The following GGT7 variants were observed in gnomAD, a reference collection of about 807,000 sequenced individuals.
The protein encoded by GGT7 is glutathione hydrolase 7.
A neutral mutation model predicts 69.2 loss-of-function variants in GGT7; 30 were observed. That is an observed-to-expected ratio of 0.43 (90% CI 0.32 to 0.59). The LOEUF is 0.59. Ranked by LOEUF, GGT7 falls within the 20% of genes least tolerant of loss-of-function variation. The pLI is 0.05. For synonymous variants in GGT7, 388 were observed against 391.8 expected, an observed-to-expected ratio of 0.99 and a Z score of 0.12; for missense variants, 733 against 901.1, an observed-to-expected ratio of 0.81 and a Z score of 2.39.
At position 34,852,498 on chromosome 20, in the gene GGT7, A is replaced by T. The variant is rs2079414737; in HGVS notation, c.1360T>A (p.Ser454Thr). The T allele has an allele frequency of 6.2e-7, 1 of 1,602,334 alleles. No homozygotes were observed. Among genetic ancestry groups the T allele is most frequent in the Admixed American group, 1.8e-5 (1 of 56,816 alleles). Residue 454 changes from serine to threonine, a missense_variant, in exon 11 of 15, where the codon TCC (serine) becomes ACC (threonine). Transcript: ENST00000336431. ...AGGAGTGGGGCAGGGGCTGCCTGGG[A>T]GTCATTGATATGGCCCCGGAGGTAG... The part of the protein sequence containing the change: ...AAYLRGHIND[S>T]QAAPAPLLPV...
intron 8 of GGT7, 135 bp from the exon 9 acceptor site, chr20:34,855,058 C>T: frequency 1.3e-6 from 1 of 784,414 alleles, no homozygotes; most frequent in Non-Finnish European, 2.0e-6. Flanking sequence ...GAAACTGAAA[C>T]ATTGAGAGGC....
In GGT7 at chr20:34,863,397, G is replaced by A; in HGVS notation, c.321C>T (p.Leu107=). 6.2e-7 allele frequency: 1 copy of A among 1,614,028 alleles called. No individual in the cohort carries two copies. Among genetic ancestry groups the A allele is most frequent in the Non-Finnish European group, 8.5e-7 (1 of 1,180,016 alleles). ...TGAGACAGGCCGTGACGATGACCGTGAGCCCATCCTGGCGGCAGGAGCACT... is the reference window on the plus strand; with the variant it reads ...TGAGACAGGCCGTGACGATGACCGTAAGCCCATCCTGGCGGCAGGAGCACT... The part of the protein sequence containing the change: ...AAECSCRQDG[L]TVIVTACLTF... Residue 107 remains leucine (L), a synonymous_variant, in exon 2 of 15, where the codon CTC becomes CTT. Coordinates refer to ENST00000336431, the MANE Select transcript of GGT7 (RefSeq NM_178026.3). This position sits in a 1 kb window ranked among gnomAD's most constrained non-coding sequence, Gnocchi z 4.4.
chr20:34,852,603 T>A, intron 10 of GGT7, 65 bp from the exon 11 acceptor site: 1 of 1,430,100 alleles, frequency 7.0e-7, no homozygotes, highest in Non-Finnish European at 9.3e-7. Flanking sequence ...CCTACCTCAC[T>A]TTTGTGGTGT....
At chr20:34,847,110 C>T (rs1331780489) in intron 14 of GGT7, among the ~76,000 whole-genome samples, 1 of 152,150 alleles carries the variant, frequency 6.6e-6, no homozygotes, top group Non-Finnish European at 1.5e-5. Flanking sequence ...CTGTGTCTCC[C>T]TCCACTAGAT....
At chr20:34,859,842 A>G (rs2079558852) in intron 6 of GGT7, 127 bp downstream of exon 6, 2 of 805,992 alleles carry the variant, frequency 2.5e-6, no homozygotes, top group Middle Eastern at 4.5e-4. Flanking sequence ...AGGGTGGGAT[A>G]AGGTGGGGAG....
chr20:34,847,583 G>A (rs193105412), intron 14 of GGT7, among the ~76,000 whole-genome samples: 3 of 152,084 alleles, frequency 2.0e-5, no homozygotes, highest in African/African-American at 7.2e-5. Context: ...TTTGATTATG[G>A]CAAGGAACAA....
chr20:34,867,013 C>T (rs2079701601), intron 1 of GGT7, among the ~76,000 whole-genome samples: 2 of 152,332 alleles, frequency 1.3e-5, no homozygotes, highest in South Asian at 4.1e-4. Flanking sequence ...AACAAACAGA[C>T]GTTAAACACC....
intron 13 of GGT7, 145 bp downstream of exon 13, chr20:34,851,085 GC>G (rs2045935962): frequency 7.4e-6 from 7 of 951,888 alleles, no homozygotes; most frequent in South Asian, 7.1e-5. Context: ...TGTCCACATT[GC>G]CCAGGATGCG....
chr20:34,850,014 A>AGGCT lies in GGT7; in HGVS notation c.1768_1771dup (p.Leu591GlnfsTer21). ...GTCCGGGTGTAGGCGGCCGCGGGCC[A>AGGCT]GGCTGTCACTCAGGTTCCGGTTCAA... On this transcript the variant is annotated frameshift_variant, in exon 14 of 15. Transcript: ENST00000336431. LOFTEE classifies it high-confidence loss of function. 1 of 1,613,998 alleles carries AGGCT rather than the reference A, an allele frequency of 6.2e-7. No homozygotes were observed. The highest frequency in any genetic ancestry group is 8.5e-7 in the Non-Finnish European group (1 of 1,179,932).
intron 9 of GGT7, 77 bp downstream of exon 9, chr20:34,854,719 C>T (rs1020877000): frequency 1.3e-6 from 2 of 1,597,590 alleles, no homozygotes; most frequent in Admixed American, 1.7e-5. Context: ...GGGATTTAGT[C>T]CTGCCCTATG....
In GGT7 at chr20:34,862,871, G is replaced by A. The variant is rs1403164109; in HGVS notation, c.500C>T (p.Ala167Val). 11 of 1,613,914 alleles carry A rather than the reference G, an allele frequency of 6.8e-6. No individual in the cohort carries two copies. The highest frequency in any genetic ancestry group is 2.7e-5 in the African/African-American group (2 of 74,878). Residue 167 changes from alanine (A) to valine (V), a missense_variant, in exon 3 of 15, where the codon GCG becomes GTG. Physicochemically the swap from Ala to Val is moderately conservative, Grantham distance 64 (BLOSUM62 0). Coordinates refer to ENST00000336431, the MANE Select transcript of GGT7 (RefSeq NM_178026.3). ...ACCCAAACACAAGGCTGCTGCCACC[G>A]CTGCGTCCACAGAAGATCCCTGTTT... The part of the protein sequence containing the change: ...LSKQGSSVDA[A>V]VAAALCLGIV...
chr20:34,851,429 C>A, intron 12 of GGT7, 61 bp from the exon 13 acceptor site: 1 of 1,523,174 alleles, frequency 6.6e-7, no homozygotes, highest in Non-Finnish European at 8.9e-7. Context: ...CGGGAAAGGG[C>A]CCCTCCACAA....
At chr20:34,853,037 C>T (rs1326155149) in intron 10 of GGT7, among the ~76,000 whole-genome samples, 1 of 152,056 alleles carries the variant, frequency 6.6e-6, no homozygotes, top group Non-Finnish European at 1.5e-5. Flanking sequence ...GCAACCTCTG[C>T]CTCCCAGGTT....
chr20:34,851,233 G>A lies in GGT7; in HGVS notation c.1723C>T (p.Gln575Ter). 1.2e-6 allele frequency: 2 copies of A among 1,613,166 alleles called. No homozygotes were observed. The highest frequency in any genetic ancestry group is 2.2e-5 in the East Asian group (1 of 44,894). ...GAARGLSGLT[Q>*]VLLNVLTLNR... ...GCCAACCATGGCGTAAACCTCACCTGTGTCAGGCCGCTGAGGCCCCGCGCA... is the reference window on the plus strand; with the variant it reads ...GCCAACCATGGCGTAAACCTCACCTATGTCAGGCCGCTGAGGCCCCGCGCA... The change falls in exon 13 of 15, where the codon CAG (glutamine) becomes TAG (stop). Residue 575 changes from glutamine to a stop codon, truncating the protein, a stop_gained and splice_region_variant. Coordinates refer to ENST00000336431, the MANE Select transcript of GGT7 (RefSeq NM_178026.3). LOFTEE classifies it high-confidence loss of function.
rs79530197 is a variant in GGT7, at chr20:34,845,112, T to TCACCACCACCACCACCAC, written c.*198_*215dup. On this transcript the variant is annotated 3_prime_UTR_variant, in exon 15 of 15. Coordinates refer to ENST00000336431, the MANE Select transcript of GGT7 (RefSeq NM_178026.3). Reference sequence around the variant, plus strand: ...CTGGCTGTACTGTAGATGCTGACACTCACCACCACCACCACCACCACCACC... The same window carrying TCACCACCACCACCACCAC: ...CTGGCTGTACTGTAGATGCTGACACTCACCACCACCACCACCACCACCACCACCACCACCACCACCACC... The TCACCACCACCACCACCAC allele has an allele frequency of 2.8e-3, 1,076 of 389,918 alleles. 26 individuals carry two copies. Among genetic ancestry groups the TCACCACCACCACCACCAC allele is most frequent in the South Asian group, 5.9e-3 (198 of 33,676 alleles). The allele number at this position is 389,918 out of a possible 1,614,324, so 24.2% of individuals were successfully genotyped here. A position where few individuals can be genotyped will look rare whatever the true frequency, so the allele number is the denominator to read the frequency against.
intron 8 of GGT7, among the ~76,000 whole-genome samples, chr20:34,855,982 G>A (rs1028735546): frequency 2.6e-5 from 4 of 151,898 alleles, no homozygotes; most frequent in African/African-American, 4.8e-5. Context: ...TTATAGAGAC[G>A]GTGTCTCACT....
At chr20:34,860,105 G>A (rs887197990) in intron 5 of GGT7, 63 bp from the exon 6 acceptor site, 2 of 847,654 alleles carry the variant, frequency 2.4e-6, no homozygotes, top group Non-Finnish European at 4.0e-6. Context: ...GGTCCGGGGG[G>A]AGGGGGGTTC....
chr20:34,856,979 C>A, intron 7 of GGT7, 86 bp from the exon 8 acceptor site: 1 of 833,692 alleles, frequency 1.2e-6, no homozygotes, highest in Non-Finnish European at 2.0e-6. Context: ...ACAGACAGAT[C>A]AGCTGTTTAT....
At chr20:34,848,080 G>C (rs2079328140) in intron 14 of GGT7, among the ~76,000 whole-genome samples, 1 of 152,162 alleles carries the variant, frequency 6.6e-6, no homozygotes, top group African/African-American at 2.4e-5. Flanking sequence ...GTGACAGAGT[G>C]AGACTCTATC....
Sources: gnomAD v4.1 joint callset for allele counts (sites outside exome capture counted in the v4.1 genomes callset) on GRCh38, gnomAD v4.1.1 for gene constraint, Gnocchi (gnomAD v3.1) non-coding constraint, MANE v1.5 for transcripts, NCBI Gene and HGNC (gene_info 2026-07-23, HGNC 2026-07-21) for gene names.